C10orf67: variants seen among roughly 807,000 people sequenced by gnomAD.
C10orf67 encodes chromosome 10 open reading frame 67, also known as uncharacterized protein C10orf67, mitochondrial.
C10orf67 carries 60 observed loss-of-function variants against 35.6 expected under a neutral mutation model. The observed-to-expected ratio is 1.68, with a 90% CI of 1.37 to 2.09. The LOEUF is 2.09. Ranked by LOEUF, C10orf67 falls within the 30% of genes most tolerant of loss-of-function variation. The pLI, the probability that C10orf67 is intolerant of heterozygous loss-of-function variation, is 0.00. For synonymous variants in C10orf67, 167 were observed against 115.8 expected, an observed-to-expected ratio of 1.44 and a Z score of -2.84; for missense variants, 474 against 330.2, an observed-to-expected ratio of 1.44 and a Z score of -3.38.
intron 8 of C10orf67, among the ~76,000 whole-genome samples, chr10:23,276,034 C>A (rs944904853): frequency 6.6e-6 from 1 of 152,138 alleles, no homozygotes; most frequent in Admixed American, 6.5e-5. Flanking sequence ...GAAGCTTCCA[C>A]GTTTCTTCCC....
chr10:23,303,740 C>G (rs1223015132), intron 4 of C10orf67, among the ~76,000 whole-genome samples: 5 of 152,208 alleles, frequency 3.3e-5, no homozygotes, highest in Non-Finnish European at 7.3e-5. Context: ...CTGTATCAGC[C>G]ATGTAAACTA....
chr10:23,316,579 C>T (rs1450760187), intron 4 of C10orf67, among the ~76,000 whole-genome samples: 5 of 152,192 alleles, frequency 3.3e-5, no homozygotes, highest in African/African-American at 4.8e-5. Flanking sequence ...ATGCAGACAA[C>T]TGGAGGGTGA....
chr10:23,213,201 T>C (rs1214445556), intron 15 of C10orf67, among the ~76,000 whole-genome samples: 1 of 152,176 alleles, frequency 6.6e-6, no homozygotes, highest in African/African-American at 2.4e-5. Context: ...TTCACCCATA[T>C]ACACAACAAA....
intron 15 of C10orf67, among the ~76,000 whole-genome samples, chr10:23,218,638 G>A (rs1398039277): frequency 6.6e-6 from 1 of 152,066 alleles, no homozygotes; most frequent in Non-Finnish European, 1.5e-5. Context: ...GGTAACTGAT[G>A]GTAACAAGGG....
intron 15 of C10orf67, among the ~76,000 whole-genome samples, chr10:23,206,637 G>C (rs951309198): frequency 6.6e-6 from 1 of 152,146 alleles, no homozygotes; most frequent in African/African-American, 2.4e-5. Flanking sequence ...TGTTTAATGT[G>C]GTGGGCCTGA....
In C10orf67 at chr10:23,319,677, T is replaced by G. The variant is rs138670518; in HGVS notation, c.546+1064A>C. On this transcript the variant is annotated intron_variant, in intron 4 of 15. Transcript: ENST00000636213. Reference sequence around the variant, plus strand: ...TCTGCAACCTCACCAGCATCTGTTATTTTTTTGACTTTTTAATAATAACCA... The same window carrying G: ...TCTGCAACCTCACCAGCATCTGTTAGTTTTTTGACTTTTTAATAATAACCA... Among the ~76,000 whole-genome samples, 679 of 152,292 alleles carry G rather than the reference T, an allele frequency of 4.5e-3. 14 individuals are homozygous for G. The East Asian group carries it at 0.05, about 11-fold the overall frequency.
chr10:23,238,203 A>G (rs574368724), intron 13 of C10orf67, among the ~76,000 whole-genome samples: 25 of 152,198 alleles, frequency 1.6e-4, no homozygotes, highest in Non-Finnish European at 3.2e-4. Flanking sequence ...CTCAACAAAT[A>G]TTTGTACGGT....
intron 10 of C10orf67, among the ~76,000 whole-genome samples, chr10:23,255,003 C>T (rs181177315): frequency 6.6e-6 from 1 of 152,206 alleles, no homozygotes; most frequent in Admixed American, 6.5e-5. Context: ...TCTTTAAAAC[C>T]TCAATCACTT....
chr10:23,234,387 G>C (rs1841987120), intron 13 of C10orf67, among the ~76,000 whole-genome samples: 1 of 152,182 alleles, frequency 6.6e-6, no homozygotes, highest in African/African-American at 2.4e-5. Flanking sequence ...CATGGGTAGA[G>C]CTGGAGGCCA....
chr10:23,334,842 A>T (rs1294936633), intron 1 of C10orf67, among the ~76,000 whole-genome samples: 1 of 152,226 alleles, frequency 6.6e-6, no homozygotes, highest in Admixed American at 6.5e-5. Flanking sequence ...TGGCACAGTC[A>T]CTAGGTGACT....
intron 4 of C10orf67, among the ~76,000 whole-genome samples, chr10:23,315,979 G>T (rs1227586722): frequency 6.6e-6 from 1 of 152,160 alleles, no homozygotes; most frequent in Non-Finnish European, 1.5e-5. Flanking sequence ...CCACCATGCT[G>T]TCACAGGATC....
rs578154155 is a variant in C10orf67, at chr10:23,277,565, A to T, written c.975+4448T>A. Among the ~76,000 whole-genome samples, 586 of 151,666 alleles carry T rather than the reference A, an allele frequency of 3.9e-3. 5 individuals carry two copies. Among genetic ancestry groups the T allele is most frequent in the African/African-American group, 0.01 (412 of 41,148 alleles). On this transcript the variant is annotated intron_variant, in intron 8 of 15. Coordinates refer to ENST00000636213, the MANE Select transcript of C10orf67 (RefSeq NM_001371909.1). The stretch of plus-strand genomic sequence containing the variant: ...ATGACCAACTCCAAAAAAAAAAAAA[A>T]AATAATAACACACACACGTATACAA...
At chr10:23,287,989 A>G (rs10741025) in intron 7 of C10orf67, among the ~76,000 whole-genome samples, 88,047 of 152,050 alleles carry the variant, frequency 0.58, 26,704 homozygotes, top group East Asian at 0.88. Flanking sequence ...GTGAGGCTGC[A>G]GAGAAATAGG....
intron 15 of C10orf67, among the ~76,000 whole-genome samples, chr10:23,220,008 C>CA: frequency 6.6e-6 from 1 of 151,834 alleles, no homozygotes; most frequent in Admixed American, 6.6e-5. Context: ...CCTGTCTTTA[C>CA]AAAAAATAAA....
At chr10:23,244,590 T>A (rs2132146876) in intron 12 of C10orf67, among the ~76,000 whole-genome samples, 1 of 152,214 alleles carries the variant, frequency 6.6e-6, no homozygotes, top group East Asian at 1.9e-4. Flanking sequence ...TTTTAAAAAA[T>A]TCCATTTATA....
In C10orf67 at chr10:23,250,474, A is replaced by G. The variant is rs558891582; in HGVS notation, c.1327T>C (p.Phe443Leu). The G allele has an allele frequency of 2.5e-6, 1 of 398,576 alleles. No individual in the cohort carries two copies. Among genetic ancestry groups the G allele is most frequent in the Admixed American group, 4.4e-5 (1 of 22,720 alleles). 24.7% of individuals were successfully genotyped at this position (398,576 alleles called of 1,614,324 possible). ...DRLNKSWEKR[F>L]FILRNSFHVL... ...CCATACCTGTTCCTGAGAATAAAGA[A>G]TCTCTTTTCCCAGCTTTTATTTAGT... The change falls in exon 12 of 16, where the codon TTC becomes CTC. Residue 443 changes from phenylalanine to leucine, a missense_variant. Physicochemically the swap from Phe to Leu is conservative, Grantham distance 22 (BLOSUM62 0). Coordinates refer to ENST00000636213, the MANE Select transcript of C10orf67 (RefSeq NM_001371909.1).
chr10:23,221,486 G>T (rs999357867), intron 15 of C10orf67, among the ~76,000 whole-genome samples: 1 of 152,066 alleles, frequency 6.6e-6, no homozygotes, highest in Non-Finnish European at 1.5e-5. Context: ...ATTTCCGGGG[G>T]GTCTGAAGAG....
At chr10:23,266,004 T>C (rs1486419006) in intron 10 of C10orf67, among the ~76,000 whole-genome samples, 1 of 152,188 alleles carries the variant, frequency 6.6e-6, no homozygotes, top group African/African-American at 2.4e-5. Context: ...TCTATTTTGG[T>C]AATTAAATAG....
chr10:23,258,993 A>G (rs1311233245), intron 10 of C10orf67, among the ~76,000 whole-genome samples: 1 of 152,214 alleles, frequency 6.6e-6, no homozygotes, highest in Non-Finnish European at 1.5e-5. Context: ...AAAATATCTA[A>G]GTATCTTATC....
Sources: allele counts gnomAD v4.1 joint callset (sites outside exome capture counted in the v4.1 genomes callset), GRCh38; gene constraint gnomAD v4.1.1; transcripts MANE v1.5; gene names NCBI Gene and HGNC (gene_info 2026-07-23, HGNC 2026-07-21).